Variants in MAST4 observed in about 807,000 individuals in gnomAD.
The protein encoded by MAST4 is microtubule associated serine/threonine kinase family member 4.
A neutral mutation model predicts 162.7 loss-of-function variants in MAST4; 89 were observed. That is an observed-to-expected ratio of 0.55 (90% CI 0.46 to 0.65). The LOEUF is 0.65. MAST4 is among the 30% of genes least tolerant of loss of function. MAST4 has a pLI of 0.00. For missense variants in MAST4, 3,153 were observed against 3,374.0 expected (o/e 0.93, Z 1.62); for synonymous variants, 1,479 against 1,361.1 (o/e 1.09, Z -1.91).
At chr5:66,939,766 C>A (rs560202434) in intron 4 of MAST4, among the ~76,000 whole-genome samples, 8 of 151,656 alleles carry the variant, frequency 5.3e-5, no homozygotes, top group Admixed American at 5.3e-4. Flanking sequence ...TTTCCCCAGA[C>A]CACTGCCGTA....
At chr5:66,789,679 G>C in intron 3 of MAST4, 1 of 516,890 alleles carries the variant, frequency 1.9e-6, no homozygotes, top group Non-Finnish European at 3.9e-6. Flanking sequence ...GCCCCTCTCT[G>C]TGATGTTAAT....
At chr5:66,755,065 T>C (rs1463196060) in intron 1 of MAST4, among the ~76,000 whole-genome samples, 1 of 152,186 alleles carries the variant, frequency 6.6e-6, no homozygotes, top group Non-Finnish European at 1.5e-5. Flanking sequence ...GGCTTCATTT[T>C]AGAAGGGTCA....
At chr5:66,688,359 T>C (rs990266446) in intron 1 of MAST4, among the ~76,000 whole-genome samples, 4 of 152,198 alleles carry the variant, frequency 2.6e-5, no homozygotes, top group African/African-American at 9.6e-5. Context: ...AAGTGCTGTC[T>C]GCATCTGATT....
At chr5:66,600,303 G>A (rs1742472229) in intron 1 of MAST4, among the ~76,000 whole-genome samples, 1 of 152,214 alleles carries the variant, frequency 6.6e-6, no homozygotes, top group Non-Finnish European at 1.5e-5. Context: ...TGGGGTCCGT[G>A]TGTGTTGAGG....
chr5:66,830,749 C>T (rs888252852), intron 3 of MAST4, among the ~76,000 whole-genome samples: 8 of 152,234 alleles, frequency 5.3e-5, no homozygotes, highest in African/African-American at 9.6e-5. Context: ...TGTAGGGAAA[C>T]TATTTACAGA....
chr5:66,804,402 G>A (rs1756078877), intron 3 of MAST4, among the ~76,000 whole-genome samples: 1 of 152,294 alleles, frequency 6.6e-6, no homozygotes, highest in East Asian at 1.9e-4. Flanking sequence ...CATCCAGACT[G>A]CAGGTCCGAT....
chr5:66,717,811 A>G (rs549243410), intron 1 of MAST4, among the ~76,000 whole-genome samples: 168 of 152,158 alleles, frequency 1.1e-3, no homozygotes, highest in African/African-American at 3.9e-3. Flanking sequence ...TTTCCAGATG[A>G]TTATCTCTTC....
intron 4 of MAST4, among the ~76,000 whole-genome samples, chr5:67,043,498 G>C (rs946209524): frequency 2.0e-5 from 3 of 152,148 alleles, no homozygotes; most frequent in African/African-American, 7.2e-5. Context: ...TTAAGTTATT[G>C]CATTAACTCT....
chr5:66,841,802 A>G (rs1480679443), intron 3 of MAST4, among the ~76,000 whole-genome samples: 2 of 152,202 alleles, frequency 1.3e-5, no homozygotes, highest in Non-Finnish European at 2.9e-5. Context: ...GCAAATGGGT[A>G]CTTAATAAAA....
In MAST4 at chr5:66,959,308, G is replaced by A. The variant is rs1016391664; in HGVS notation, c.674+59326G>A. ...GCTGACCTTGGAGTAAGTATTGTCT[G>A]TCTTTAATATTTTAATGCTTTCTGC... On this transcript the variant is annotated intron_variant, in intron 4 of 28. Transcript: ENST00000403625. 3.8e-6 allele frequency: 3 copies of A among 779,554 alleles called. No homozygotes were observed. In the African/African-American group the frequency reaches 5.1e-5, roughly 13 times the overall value. The allele number at this position is 779,554 out of a possible 1,614,324, so 48.3% of individuals were successfully genotyped here. A position where few individuals can be genotyped will look rare whatever the true frequency, so the allele number is the denominator to read the frequency against.
intron 1 of MAST4, among the ~76,000 whole-genome samples, chr5:66,659,866 A>G (rs1454180573): frequency 6.6e-6 from 1 of 152,222 alleles, no homozygotes; most frequent in Non-Finnish European, 1.5e-5. Context: ...TGTTCTGGGT[A>G]TCTTAGGATG....
intron 1 of MAST4, among the ~76,000 whole-genome samples, chr5:66,598,867 A>G (rs754064800): frequency 1.3e-5 from 2 of 152,194 alleles, no homozygotes; most frequent in Non-Finnish European, 2.9e-5. Context: ...GCCTGGCCTC[A>G]GGGTGACAGT....
At chr5:66,703,756 T>G (rs1467363014) in intron 1 of MAST4, among the ~76,000 whole-genome samples, 3 of 152,142 alleles carry the variant, frequency 2.0e-5, no homozygotes, top group African/African-American at 7.2e-5. Context: ...GGTTCGGAAA[T>G]AGTCATTAAG....
Position 67,166,644 on chromosome 5 carries a change from G to T in MAST4, c.7465G>T (p.Gly2489Trp). ...CGACACCTCTTCTGCCAAGGCCGCC[G>T]GGGGCATGCTGGAGCTTCCAGCCCC... is the stretch of plus-strand genomic sequence containing the variant. ...SSDTSSAKAA[G>W]GMLELPAPSN... The change falls in exon 29 of 29, where the codon GGG (glycine) becomes TGG (tryptophan). Residue 2489 changes from glycine (G) to tryptophan (W), a missense_variant. Transcript: ENST00000403625. 1 of 1,600,176 alleles carries T rather than the reference G, an allele frequency of 6.2e-7. No homozygotes were observed. Among genetic ancestry groups the T allele is most frequent in the East Asian group, 2.3e-5 (1 of 44,140 alleles).
chr5:67,135,770 C>T lies in MAST4; in HGVS notation c.2393-793C>T, dbSNP rs189415319. ...TGCTGGCTTTGTTCTTGATGCCTTA[C>T]GGCTCAGATGCATATTCATGTTTTA... On this transcript the variant is annotated intron_variant, in intron 18 of 28. Transcript: ENST00000403625. 1.4e-4 allele frequency among the ~76,000 whole-genome samples: 21 copies of T among 152,310 alleles called. 1 individual carries two copies. The highest frequency in any genetic ancestry group is 4.6e-4 in the African/African-American group (19 of 41,568).
chr5:66,963,495 G>A (rs1746272897), intron 4 of MAST4, among the ~76,000 whole-genome samples: 1 of 152,168 alleles, frequency 6.6e-6, no homozygotes, highest in Admixed American at 6.5e-5. Flanking sequence ...AATGGCAGCT[G>A]TAGTTTTTAA....
At chr5:66,935,698 C>T (rs1361098581) in intron 4 of MAST4, among the ~76,000 whole-genome samples, 6 of 149,068 alleles carry the variant, frequency 4.0e-5, no homozygotes, top group Non-Finnish European at 5.9e-5. Flanking sequence ...GAGACAGTCT[C>T]GCTCTGTTGC....
intron 2 of MAST4, among the ~76,000 whole-genome samples, chr5:66,762,346 G>T (rs1200959110): frequency 2.0e-5 from 3 of 152,002 alleles, no homozygotes; most frequent in Non-Finnish European, 4.4e-5. Flanking sequence ...ATTTTTAATT[G>T]TTCCTCTGTA....
At chr5:66,717,830 A>G (rs1267312777) in intron 1 of MAST4, among the ~76,000 whole-genome samples, 1 of 152,100 alleles carries the variant, frequency 6.6e-6, no homozygotes, top group African/African-American at 2.4e-5. Context: ...TCCTGGTATC[A>G]TTTGGCTAGT....
Sources: gnomAD v4.1 joint callset for allele counts (sites outside exome capture counted in the v4.1 genomes callset) on GRCh38, gnomAD v4.1.1 for gene constraint, MANE v1.5 for transcripts, NCBI Gene and HGNC (gene_info 2026-07-23, HGNC 2026-07-21) for gene names.